The following RBBP8 variants were observed in gnomAD, a reference collection of about 807,000 sequenced individuals.
The protein encoded by RBBP8 is RB binding protein 8, endonuclease.
In RBBP8, 88 loss-of-function variants were observed where a neutral mutation model predicts 108.3. That is an observed-to-expected ratio of 0.81 (90% CI 0.68 to 0.97). The LOEUF (loss-of-function observed/expected upper bound fraction) is 0.97, where lower values mean the gene tolerates loss of function less well. RBBP8 is among the 50% of genes least tolerant of loss of function. RBBP8 has a pLI of 0.00. For synonymous variants in RBBP8, 332 were observed against 348.2 expected, an observed-to-expected ratio of 0.95 and a Z score of 0.52; for missense variants, 1,023 against 1,049.0, an observed-to-expected ratio of 0.98 and a Z score of 0.34.
At chr18:22,998,687 C>G (rs1467142563) in intron 14 of RBBP8, among the ~76,000 whole-genome samples, 6 of 152,236 alleles carry the variant, frequency 3.9e-5, no homozygotes, top group Non-Finnish European at 7.3e-5. Context: ...TTTCTATAGT[C>G]TACCTGCTCA....
At chr18:22,945,149 A>T (rs547584439) in intron 2 of RBBP8, among the ~76,000 whole-genome samples, 1 of 152,300 alleles carries the variant, frequency 6.6e-6, no homozygotes, top group South Asian at 2.1e-4. Context: ...CCAAATAAAA[A>T]TTCTTGAGTA....
At chr18:23,005,227 A>G (rs572627015) in intron 15 of RBBP8, among the ~76,000 whole-genome samples, 1 of 152,310 alleles carries the variant, frequency 6.6e-6, no homozygotes, top group Admixed American at 6.5e-5. Context: ...ATAGCACTAT[A>G]TGGTGACTAT....
chr18:22,987,265 G>A (rs1321667448), intron 8 of RBBP8, among the ~76,000 whole-genome samples: 3 of 152,110 alleles, frequency 2.0e-5, no homozygotes, highest in Non-Finnish European at 4.4e-5. Flanking sequence ...GGAGGAGAGA[G>A]AAAAGTGCTA....
chr18:23,004,056 CAAAAAAA>C (rs34653966), intron 15 of RBBP8, among the ~76,000 whole-genome samples: 3 of 69,668 alleles, frequency 4.3e-5, no homozygotes, highest in African/African-American at 4.0e-5. Flanking sequence ...GACCCCGTCT[CAAAAAAA>C]AAAAAAAAAA....
chr18:23,014,293 A>G (rs1398427188), intron 16 of RBBP8, among the ~76,000 whole-genome samples: 1 of 152,148 alleles, frequency 6.6e-6, no homozygotes, highest in African/African-American at 2.4e-5. Context: ...TTGACTTTCA[A>G]GTTCTCTTAT....
intron 4 of RBBP8, among the ~76,000 whole-genome samples, chr18:22,961,499 A>T (rs540850478): frequency 6.6e-6 from 1 of 152,336 alleles, no homozygotes; most frequent in African/African-American, 2.4e-5. Context: ...ATGGCTCAAT[A>T]TAAGGATAAG....
chr18:22,969,041 C>A, intron 5 of RBBP8, 123 bp downstream of exon 5: 2 of 737,780 alleles, frequency 2.7e-6, no homozygotes, highest in Non-Finnish European at 4.5e-6. Flanking sequence ...AGTAAAAGTT[C>A]AAATGTCCTT....
intron 3 of RBBP8, among the ~76,000 whole-genome samples, chr18:22,924,434 T>C (rs904544670): frequency 6.6e-5 from 10 of 152,040 alleles, no homozygotes; most frequent in African/African-American, 2.4e-4. Flanking sequence ...GCCAAAGCTT[T>C]TTGAAGTAAA....
At chr18:22,991,166 A>G (rs1915673310) in intron 10 of RBBP8, 117 bp downstream of exon 10, 3 of 802,636 alleles carry the variant, frequency 3.7e-6, no homozygotes, top group Admixed American at 4.2e-5. Context: ...TTGTGGTTAT[A>G]TAAATGTTTA....
chr18:22,999,444 A>G (rs1189899253), intron 14 of RBBP8, among the ~76,000 whole-genome samples: 3 of 152,180 alleles, frequency 2.0e-5, no homozygotes, highest in Admixed American at 6.5e-5. Flanking sequence ...CACATGGAGG[A>G]TAAGTTCCCA....
intron 4 of RBBP8, chr18:22,949,962 G>A (rs1324662348): frequency 3.3e-5 from 13 of 398,778 alleles, no homozygotes; most frequent in Non-Finnish European, 5.0e-5. Flanking sequence ...CTCAAGGGTA[G>A]CAATGTTCTA....
rs902295346 is a variant in RBBP8, at chr18:23,006,234, G to A, written c.2288-129G>A. 37 of 774,208 alleles carry A rather than the reference G, an allele frequency of 4.8e-5. No individual in the cohort carries two copies. In the East Asian group the frequency reaches 9.6e-4, roughly 20 times the overall value. The allele number at this position is 774,208 out of a possible 1,614,324, so 48.0% of individuals were successfully genotyped here. The stretch of plus-strand genomic sequence containing the variant: ...AAGTTGCAGAAAATTTAAATGAGTT[G>A]CTCAGAGGCCTGGAGCATGAAACCC... On this transcript the variant is annotated intron_variant, in intron 15 of 18. Transcript: ENST00000327155.
At chr18:22,963,894 C>G (rs1484236053) in intron 4 of RBBP8, among the ~76,000 whole-genome samples, 1 of 151,692 alleles carries the variant, frequency 6.6e-6, no homozygotes, top group South Asian at 2.1e-4. Context: ...GAGACCTTGT[C>G]TCAAAAAAAG....
intron 16 of RBBP8, among the ~76,000 whole-genome samples, chr18:23,016,136 C>G (rs1200241530): frequency 6.6e-6 from 1 of 152,174 alleles, no homozygotes; most frequent in Non-Finnish European, 1.5e-5. Context: ...TCTCGAACTC[C>G]TGACCTCAAG....
At position 22,989,095 on chromosome 18, in the gene RBBP8, G is replaced by T. The variant is rs1048013334; in HGVS notation, c.710-126G>T. 38 of 653,076 alleles carry T rather than the reference G, an allele frequency of 5.8e-5. No homozygotes were observed. In the South Asian group the frequency reaches 6.0e-4, roughly 10 times the overall value. 40.5% of individuals were successfully genotyped at this position (653,076 alleles called of 1,614,324 possible). A position where few individuals can be genotyped will look rare whatever the true frequency, so the allele number is the denominator to read the frequency against. Reference sequence around the variant, plus strand: ...CTTTTTGCACAGAATTTTAAAATGTGTCTAGTGCCATCTTATGAAGTGTGA... The same window carrying T: ...CTTTTTGCACAGAATTTTAAAATGTTTCTAGTGCCATCTTATGAAGTGTGA... On this transcript the variant is annotated intron_variant, in intron 8 of 18. Transcript: ENST00000327155.
chr18:22,993,264 T>C lies in RBBP8; in HGVS notation c.1437T>C (p.Phe479=). 1 of 1,614,250 alleles carries C rather than the reference T, an allele frequency of 6.2e-7. No homozygotes were observed. Among genetic ancestry groups the C allele is most frequent in the Non-Finnish European group, 8.5e-7 (1 of 1,180,046 alleles). Residue 479 remains phenylalanine, a synonymous_variant, in exon 11 of 19, where the codon TTT becomes TTC. Coordinates refer to ENST00000327155, the MANE Select transcript of RBBP8 (RefSeq NM_002894.3). ...NAFPFPMDNQ[F]SMNGDCVMDK... ...TCCCTTTTCCAATGGATAATCAGTT[T>C]TCCATGAATGGAGACTGTGTGATGG... is the stretch of plus-strand genomic sequence containing the variant.
At chr18:22,945,405 C>T (rs1243811939) in intron 2 of RBBP8, among the ~76,000 whole-genome samples, 1 of 151,210 alleles carries the variant, frequency 6.6e-6, no homozygotes, top group Non-Finnish European at 1.5e-5. Context: ...TTTATTTTTT[C>T]AGACGGAGTT....
intron 17 of RBBP8, among the ~76,000 whole-genome samples, chr18:23,017,579 G>A (rs1200275968): frequency 2.6e-5 from 4 of 151,010 alleles, no homozygotes; most frequent in East Asian, 4.0e-4. Flanking sequence ...GCGTGAACCC[G>A]GGAGGCAGAG....
At chr18:22,984,721 C>G (rs1398407100) in intron 7 of RBBP8, among the ~76,000 whole-genome samples, 165 bp from the exon 8 acceptor site, 1 of 152,100 alleles carries the variant, frequency 6.6e-6, no homozygotes, top group Non-Finnish European at 1.5e-5. Flanking sequence ...ATTAAAGGAG[C>G]TTACTTCTTA....
Sources: gnomAD v4.1 joint callset for allele counts (sites outside exome capture counted in the v4.1 genomes callset) on GRCh38, gnomAD v4.1.1 for gene constraint, MANE v1.5 for transcripts, NCBI Gene and HGNC (gene_info 2026-07-23, HGNC 2026-07-21) for gene names.